Variants in MLLT6 observed in about 807,000 individuals in gnomAD.
The protein encoded by MLLT6 is protein AF-17.
Under a neutral mutation model 103.0 loss-of-function variants are expected in MLLT6, and 22 were observed. The ratio of observed to expected loss-of-function variants is 0.21; its 90% CI spans 0.15 to 0.31. The LOEUF is 0.31. Ranked by LOEUF, MLLT6 falls within the 10% of genes least tolerant of loss-of-function variation. MLLT6 has a pLI of 1.00. For synonymous variants in MLLT6, 606 were observed against 623.5 expected, an observed-to-expected ratio of 0.97 and a Z score of 0.42; for missense variants, 1,199 against 1,441.7, an observed-to-expected ratio of 0.83 and a Z score of 2.73.
At position 38,726,027 on chromosome 17, in the gene MLLT6, G is replaced by C. The variant is rs56095974; in HGVS notation, c.*429G>C. On this transcript the variant is annotated 3_prime_UTR_variant, in exon 20 of 20. Transcript: ENST00000621332. The stretch of plus-strand genomic sequence containing the variant: ...CCCTGCGGGGAAATCTTTTATGGAA[G>C]AAGGGCTGGACCCACTTTACCTGCA... The C allele has an allele frequency of 4.0e-6, 1 of 249,128 alleles. No individual in the cohort carries two copies. The highest frequency in any genetic ancestry group is 2.2e-5 in the African/African-American group (1 of 45,830). The allele number at this position is 249,128 out of a possible 1,614,324, so 15.4% of individuals were successfully genotyped here.
chr17:38,712,788 A>G lies in MLLT6; in HGVS notation c.818A>G (p.Lys273Arg). The G allele has an allele frequency of 6.2e-7, 1 of 1,610,548 alleles. No individual in the cohort carries two copies. Among genetic ancestry groups the G allele is most frequent in the Admixed American group, 1.7e-5 (1 of 59,932 alleles). The change falls in exon 8 of 20, where the codon AAG becomes AGG. Residue 273 changes from lysine (K) to arginine (R), a missense_variant and splice_region_variant. Lys to Arg is a conservative substitution (Grantham distance 26). This residue lies in a region of MLLT6 where 1,034 missense variants were observed against 1,091.5 expected (regional missense o/e 0.95). Coordinates refer to ENST00000621332, the MANE Select transcript of MLLT6 (RefSeq NM_005937.4). ...CCGCCCGTGGTCCCCACTGCTGACAAGGTACTGCTGCCCACCTTCAGGAGG... is the reference window on the plus strand; with the variant it reads ...CCGCCCGTGGTCCCCACTGCTGACAGGGTACTGCTGCCCACCTTCAGGAGG... ...LTPPVVPTAD[K>R]VSSSASSSSH... is the part of the protein sequence containing the mutation.
chr17:38,707,597 G>A (rs1904985883), intron 3 of MLLT6, 57 bp downstream of exon 3: 3 of 1,569,942 alleles, frequency 1.9e-6, no homozygotes, highest in African/African-American at 1.4e-5. Flanking sequence ...GTCTGGGAAG[G>A]CAGGAATGGA....
At position 38,728,905 on chromosome 17, in the gene MLLT6, G is replaced by C. The variant is rs1310337197; in HGVS notation, c.*3307G>C. 2.6e-5 allele frequency: 6 copies of C among 233,920 alleles called. No homozygotes were observed. In the South Asian group the frequency reaches 1.1e-3, roughly 42 times the overall value. 14.5% of individuals were successfully genotyped at this position (233,920 alleles called of 1,614,324 possible). A position where few individuals can be genotyped will look rare whatever the true frequency, so the allele number is the denominator to read the frequency against. On this transcript the variant is annotated 3_prime_UTR_variant, in exon 20 of 20. Transcript: ENST00000621332. ...CAATGACACTTTAAGGATTGTCTTG[G>C]TTTGTTTTTCCTATTTGTGGGGTAT...
At position 38,722,348 on chromosome 17, in the gene MLLT6, G is replaced by T; in HGVS notation, c.2792+121G>T. The T allele has an allele frequency of 5.2e-6, 4 of 774,096 alleles. No homozygotes were observed. The South Asian group carries it at 9.0e-5, about 18-fold the overall frequency. The allele number at this position is 774,096 out of a possible 1,614,324, so 48.0% of individuals were successfully genotyped here. ...GAAAAATGGCCTCTGGTCTCACAGG[G>T]TATATAATCCTAGTCACCTCTTGGC... On this transcript the variant is annotated intron_variant, in intron 17 of 19. Transcript: ENST00000621332.
rs571451954 is a variant in MLLT6, at chr17:38,722,699, TCTC to T, written c.2817_2819del (p.Leu940del). ...TCAGCCTTACAGAGCAGCAGAGACA[TCTC>T]CTTCAGCAGCAAGAGCAGCAGCTCC... On this transcript the variant is annotated inframe_deletion, in exon 18 of 20. Coordinates refer to ENST00000621332, the MANE Select transcript of MLLT6 (RefSeq NM_005937.4). 83 of 1,301,858 alleles carry T rather than the reference TCTC, an allele frequency of 6.4e-5. No homozygotes were observed. In the East Asian group the frequency reaches 3.1e-3, roughly 49 times the overall value. The allele number at this position is 1,301,858 out of a possible 1,614,324, so 80.6% of individuals were successfully genotyped here.
intron 11 of MLLT6, 76 bp downstream of exon 11, chr17:38,717,689 G>A (rs1473019107): frequency 1.3e-6 from 2 of 1,526,640 alleles, no homozygotes; most frequent in Admixed American, 3.7e-5. Context: ...AGCCTTCCAT[G>A]GGAATTGGAG....
chr17:38,713,130 T>C (rs776339876), intron 8 of MLLT6: 3 of 709,276 alleles, frequency 4.2e-6, no homozygotes, highest in Non-Finnish European at 7.9e-6. Context: ...TCCCCAGAGA[T>C]CGGTAGAGGA....
At chr17:38,723,684 A>C (rs1905875448) in intron 18 of MLLT6, among the ~76,000 whole-genome samples, 1 of 152,178 alleles carries the variant, frequency 6.6e-6, no homozygotes, top group Admixed American at 6.5e-5. Context: ...TTCAAAGCAA[A>C]ATAAATGAAT....
intron 8 of MLLT6, 153 bp from the exon 9 acceptor site, chr17:38,715,444 CCCTGGTCTAGGAGCT>C (rs1905292960): frequency 1.7e-6 from 2 of 1,205,306 alleles, no homozygotes; most frequent in Admixed American, 3.1e-5. Flanking sequence ...CTCCCCATAT[CCCTGGTCTAGGAGCT>C]CCTGGCCACT....
At position 38,709,528 on chromosome 17, in the gene MLLT6, G is replaced by C; in HGVS notation, c.505G>C (p.Asp169His). 1 of 1,614,258 alleles carries C rather than the reference G, an allele frequency of 6.2e-7. No individual in the cohort carries two copies. The highest frequency in any genetic ancestry group is 8.5e-7 in the Non-Finnish European group (1 of 1,180,044). Residue 169 changes from aspartate to histidine, a missense_variant, in exon 6 of 20, where the codon GAC (aspartate) becomes CAC (histidine). Around this residue, in one of 7 missense-constraint regions of MLLT6, gnomAD observed 59 missense variants for 135.1 expected, o/e 0.44. Coordinates refer to ENST00000621332, the MANE Select transcript of MLLT6 (RefSeq NM_005937.4). The surrounding 1 kb of genome is among the most constrained non-coding windows in gnomAD (Gnocchi z 4.3). ...GTGTGAGGAAGAAGTGCTGGAGGTGGACAACGTCAAGTACTGCGGCTACTG... is the reference window on the plus strand; with the variant it reads ...GTGTGAGGAAGAAGTGCTGGAGGTGCACAACGTCAAGTACTGCGGCTACTG... Reference protein sequence around the residue: ...LLCEEEVLEVDNVKYCGYCKY... With the variant: ...LLCEEEVLEVHNVKYCGYCKY...
intron 6 of MLLT6, among the ~76,000 whole-genome samples, chr17:38,711,165 G>A (rs1200509091): frequency 6.6e-6 from 1 of 152,144 alleles, no homozygotes; most frequent in Non-Finnish European, 1.5e-5. Context: ...ACCTTAGAGG[G>A]AGCAGCTATA....
intron 2 of MLLT6, among the ~76,000 whole-genome samples, chr17:38,707,252 CTT>C (rs1567922486): frequency 6.6e-6 from 1 of 152,164 alleles, no homozygotes; most frequent in Non-Finnish European, 1.5e-5. Flanking sequence ...TCTGTTTGAA[CTT>C]TTTTATTATG....
intron 4 of MLLT6, among the ~76,000 whole-genome samples, chr17:38,708,595 A>T (rs1418248424): frequency 6.6e-6 from 1 of 152,222 alleles, no homozygotes; most frequent in Non-Finnish European, 1.5e-5. Flanking sequence ...GGCTACATAA[A>T]TTAATCAAAA....
chr17:38,712,350 C>T (rs1905171362), intron 7 of MLLT6, among the ~76,000 whole-genome samples: 1 of 152,344 alleles, frequency 6.6e-6, no homozygotes, highest in South Asian at 2.1e-4. Flanking sequence ...TTCCCTCGCG[C>T]CACATAGCAC....
At chr17:38,719,143 C>G (rs1347630549) in intron 12 of MLLT6, 2 of 325,496 alleles carry the variant, frequency 6.1e-6, no homozygotes, top group East Asian at 5.2e-5. Context: ...ACAGTCACTT[C>G]GGAGAGGCTG....
rs995143977 is a variant in MLLT6 at position 38,724,102 on chromosome 17, C to T, written c.2884-518C>T. ...CGAAACCCCGTCTCTACTAAAAATA[C>T]AAAAATTAGCCGGATGTGGTGGCAG... On this transcript the variant is annotated intron_variant, in intron 18 of 19. Transcript: ENST00000621332. The surrounding 1 kb of genome is among the most constrained non-coding windows in gnomAD (Gnocchi z 5.4). Among the ~76,000 whole-genome samples, 19 of 151,470 alleles carry T rather than the reference C, an allele frequency of 1.3e-4. No individual in the cohort carries two copies. The highest frequency in any genetic ancestry group is 4.4e-4 in the African/African-American group (18 of 41,252).
chr17:38,720,055 C>T (rs909962649), intron 14 of MLLT6, among the ~76,000 whole-genome samples, 160 bp downstream of exon 14: 3 of 152,164 alleles, frequency 2.0e-5, no homozygotes, highest in Non-Finnish European at 4.4e-5. Flanking sequence ...TGCCAGGCCA[C>T]ACGACCGGCC....
At chr17:38,710,762 C>G (rs1244360612) in intron 6 of MLLT6, among the ~76,000 whole-genome samples, 1 of 152,130 alleles carries the variant, frequency 6.6e-6, no homozygotes, top group African/African-American at 2.4e-5. Flanking sequence ...ACCTGTTGCC[C>G]TGGTGTAATT....
rs1905994385 is a variant in MLLT6, at chr17:38,725,773, G to T, written c.*175G>T. 1 of 565,918 alleles carries T rather than the reference G, an allele frequency of 1.8e-6. No homozygotes were observed. The highest frequency in any genetic ancestry group is 3.8e-5 in the Admixed American group (1 of 26,456). The allele number at this position is 565,918 out of a possible 1,614,324, so 35.1% of individuals were successfully genotyped here. A position where few individuals can be genotyped will look rare whatever the true frequency, so the allele number is the denominator to read the frequency against. On this transcript the variant is annotated 3_prime_UTR_variant, in exon 20 of 20. Coordinates refer to ENST00000621332, the MANE Select transcript of MLLT6 (RefSeq NM_005937.4). ...GTGTCGAGGACTGAGACTGAGAGGG[G>T]AGCCCCCTCCATCTGGCCCCCTTCC...
Sources: allele counts gnomAD v4.1 joint callset (sites outside exome capture counted in the v4.1 genomes callset), GRCh38; gene constraint gnomAD v4.1.1; regional missense constraint gnomAD v4.1.1; non-coding constraint Gnocchi (gnomAD v3.1); transcripts MANE v1.5; gene names NCBI Gene and HGNC (gene_info 2026-07-23, HGNC 2026-07-21).